NAB1: variants seen among roughly 807,000 people sequenced by gnomAD.
The protein encoded by NAB1 is NGFI-A-binding protein 1.
Under a neutral mutation model 49.9 loss-of-function variants are expected in NAB1, and 25 were observed. The ratio of observed to expected loss-of-function variants is 0.50; its 90% CI spans 0.37 to 0.70. The LOEUF (loss-of-function observed/expected upper bound fraction) is 0.70, where lower values mean the gene tolerates loss of function less well. Among genes scored for constraint, NAB1 ranks in the 30% least tolerant of loss-of-function variants. NAB1 has a pLI of 0.00. For synonymous variants in NAB1, 198 were observed against 215.6 expected, an observed-to-expected ratio of 0.92 and a Z score of 0.71; for missense variants, 489 against 575.9, an observed-to-expected ratio of 0.85 and a Z score of 1.54.
chr2:190,653,814 A>G (rs1693787577), intron 2 of NAB1: 1 of 152,240 alleles, frequency 6.6e-6, no homozygotes, highest in African/African-American at 2.4e-5. Flanking sequence ...TGCATGATGT[A>G]TAACACTAAC....
intron 9 of NAB1, 21 bp from the exon 10 acceptor site, chr2:190,690,224 T>C (rs769421159): frequency 3.9e-5 from 60 of 1,546,042 alleles, no homozygotes; most frequent in Non-Finnish European, 4.9e-5. Context: ...ATCAACTCAC[T>C]TTGTTTCCAT....
intron 4 of NAB1, among the ~76,000 whole-genome samples, chr2:190,668,103 T>G (rs1694617107): frequency 6.6e-6 from 1 of 152,180 alleles, no homozygotes; most frequent in Non-Finnish European, 1.5e-5. Context: ...TAATAACTAG[T>G]GTTGGTCAAG....
rs1553548974 is a variant in NAB1, at chr2:190,664,614, T to TTG, written c.819+4619_819+4620insTG. 8.7e-4 allele frequency among the ~76,000 whole-genome samples: 97 copies of TTG among 111,870 alleles called. 11 individuals carry two copies. Among genetic ancestry groups the TTG allele is most frequent in the African/African-American group, 2.3e-3 (61 of 26,210 alleles). The allele number at this position is 111,870 out of a possible 152,430, so 73.4% of individuals were successfully genotyped here. A position where few individuals can be genotyped will look rare whatever the true frequency, so the allele number is the denominator to read the frequency against. ...TTTTTTTTTTTTTTTTTTTTTTTTT[T>TTG]GTAGGGACAGGGTTTCCACGTTGCC... On this transcript the variant is annotated intron_variant, in intron 4 of 9. Coordinates refer to ENST00000337386, the MANE Select transcript of NAB1 (RefSeq NM_005966.4).
In NAB1 at chr2:190,657,017, TATGTATATAC is replaced by T. The variant is rs1379895648; in HGVS notation, c.-20+866_-20+875del. Among the ~76,000 whole-genome samples the T allele has an allele frequency of 1.3e-5, 2 of 152,200 alleles. No homozygotes were observed. Among genetic ancestry groups the T allele is most frequent in the Admixed American group, 1.3e-4 (2 of 15,278 alleles). On this transcript the variant is annotated intron_variant, in intron 3 of 9. Coordinates refer to ENST00000337386, the MANE Select transcript of NAB1 (RefSeq NM_005966.4). The surrounding 1 kb of genome is among the most constrained non-coding windows in gnomAD (Gnocchi z 4.4). Reference sequence around the variant, plus strand: ...TTCCACAGTCTATTTTGATCATGTGTATGTATATACACATTACACATGTACTTTTTTTTTC... The same window carrying T: ...TTCCACAGTCTATTTTGATCATGTGTACATTACACATGTACTTTTTTTTTC...
At position 190,656,557 on chromosome 2, in the gene NAB1, A is replaced by G. The variant is rs188174365; in HGVS notation, c.-20+404A>G. 5.2e-3 allele frequency among the ~76,000 whole-genome samples: 796 copies of G among 152,278 alleles called. 5 individuals are homozygous for G. The highest frequency in any genetic ancestry group is 0.018 in the African/African-American group (756 of 41,568). ...TGTTATCTTGGCTTTGCAAATGTAGACTTGGTCCTATCAGTCTTTATGGAG... is the reference window on the plus strand; with the variant it reads ...TGTTATCTTGGCTTTGCAAATGTAGGCTTGGTCCTATCAGTCTTTATGGAG... On this transcript the variant is annotated intron_variant, in intron 3 of 9. Transcript: ENST00000337386.
Position 190,652,448 on chromosome 2 carries a change from TA to T in NAB1, c.-197+2469del, listed in dbSNP as rs1420527763. 6.6e-6 allele frequency among the ~76,000 whole-genome samples: 1 copy of T among 152,214 alleles called. No homozygotes were observed. On this transcript the variant is annotated intron_variant, in intron 2 of 9. Transcript: ENST00000337386. This position sits in a 1 kb window ranked among gnomAD's most constrained non-coding sequence, Gnocchi z 4.2. Reference sequence around the variant, plus strand: ...CCTATTGTTACTATAGTTAAATGAATAAATACATAGTTATCATTTAGCAAAA... The same window carrying T: ...CCTATTGTTACTATAGTTAAATGAATAATACATAGTTATCATTTAGCAAAA...
chr2:190,668,497 A>G (rs1378672546), intron 4 of NAB1, among the ~76,000 whole-genome samples: 6 of 152,316 alleles, frequency 3.9e-5, no homozygotes, highest in African/African-American at 1.4e-4. Flanking sequence ...CTTCCAGCCC[A>G]TGCCAGATGC....
rs565303088 is a variant in NAB1 at position 190,677,248 on chromosome 2, A to G, written c.1005+4096A>G. The stretch of plus-strand genomic sequence containing the variant: ...ACATTGCATAGAAGTAATCAAGATA[A>G]TCTGTTGTCCTTAAATAGTGTTCCT... On this transcript the variant is annotated intron_variant, in intron 6 of 9. Coordinates refer to ENST00000337386, the MANE Select transcript of NAB1 (RefSeq NM_005966.4). The surrounding 1 kb of genome is among the most constrained non-coding windows in gnomAD (Gnocchi z 5.6). 3.9e-5 allele frequency: 6 copies of G among 152,350 alleles called. No individual in the cohort carries two copies. In the South Asian group the frequency reaches 1.0e-3, roughly 26 times the overall value. The allele number at this position is 152,350 out of a possible 1,614,324, so 9.4% of individuals were successfully genotyped here.
At chr2:190,655,525 G>T (rs184944221) in intron 2 of NAB1, among the ~76,000 whole-genome samples, 9 of 152,318 alleles carry the variant, frequency 5.9e-5, no homozygotes, top group Admixed American at 3.9e-4. Flanking sequence ...GTAAGGTGAA[G>T]AGCATCTCAA....
rs143590664 is a variant in NAB1 at position 190,682,279 on chromosome 2, G to C, written c.1006-1459G>C. ...TATCTCACTTGCTTTATCTCATTTG[G>C]TCCTCACAACAATCCTAATAGATAG... On this transcript the variant is annotated intron_variant, in intron 6 of 9. Transcript: ENST00000337386. The surrounding 1 kb of genome is among the most constrained non-coding windows in gnomAD (Gnocchi z 4.1). Among the ~76,000 whole-genome samples the C allele has an allele frequency of 7.1e-4, 108 of 152,146 alleles. 1 individual carries two copies. Among genetic ancestry groups the C allele is most frequent in the African/African-American group, 2.4e-3 (99 of 41,520 alleles).
intron 9 of NAB1, 45 bp downstream of exon 9, chr2:190,687,362 C>G: frequency 1.3e-6 from 1 of 759,238 alleles, no homozygotes; most frequent in South Asian, 1.9e-5. Context: ...TGAATAAAAG[C>G]ATCTTTAAAT....
Position 190,682,264 on chromosome 2 carries a change from G to C in NAB1, c.1006-1474G>C, listed in dbSNP as rs1293896651. 6.6e-6 allele frequency among the ~76,000 whole-genome samples: 1 copy of C among 152,142 alleles called. No homozygotes were observed. Among genetic ancestry groups the C allele is most frequent in the African/African-American group, 2.4e-5 (1 of 41,422 alleles). On this transcript the variant is annotated intron_variant, in intron 6 of 9. Coordinates refer to ENST00000337386, the MANE Select transcript of NAB1 (RefSeq NM_005966.4). The surrounding 1 kb of genome is among the most constrained non-coding windows in gnomAD (Gnocchi z 4.1). ...ACATGCTGAAGGCATTATCTCACTT[G>C]CTTTATCTCATTTGGTCCTCACAAC...
chr2:190,655,906 C>T (rs1035686860), intron 2 of NAB1, 71 bp from the exon 3 acceptor site: 1 of 152,202 alleles, frequency 6.6e-6, no homozygotes, highest in Non-Finnish European at 1.5e-5. Context: ...TGAATAACAA[C>T]AACAAATGGT....
rs529441532 is a variant in NAB1, at chr2:190,679,366, G to A, written c.1006-4372G>A. ...TGTAGGAGTAAATAATGACTAATGT[G>A]CTCAGTTGCAGAGAGATCACTGATT... is the stretch of plus-strand genomic sequence containing the variant. On this transcript the variant is annotated intron_variant, in intron 6 of 9. Coordinates refer to ENST00000337386, the MANE Select transcript of NAB1 (RefSeq NM_005966.4). The surrounding 1 kb of genome is among the most constrained non-coding windows in gnomAD (Gnocchi z 5.3). Among the ~76,000 whole-genome samples the A allele has an allele frequency of 2.6e-5, 4 of 152,192 alleles. No individual in the cohort carries two copies. Among genetic ancestry groups the A allele is most frequent in the African/African-American group, 4.8e-5 (2 of 41,440 alleles).
In NAB1 at chr2:190,680,272, T is replaced by G. The variant is rs879616766; in HGVS notation, c.1006-3466T>G. ...AAGATAAGATCTAAAATTCTTAACA[T>G]AGCTTACAAGGGCTTACAGAATCTG... On this transcript the variant is annotated intron_variant, in intron 6 of 9. Transcript: ENST00000337386. This position sits in a 1 kb window ranked among gnomAD's most constrained non-coding sequence, Gnocchi z 5.2. Among the ~76,000 whole-genome samples the G allele has an allele frequency of 1.3e-5, 2 of 152,222 alleles. No individual in the cohort carries two copies. The highest frequency in any genetic ancestry group is 6.5e-5 in the Admixed American group (1 of 15,284).
rs541640635 is a variant in NAB1 at position 190,654,697 on chromosome 2, C to A, written c.-196-1280C>A. 6.6e-6 allele frequency among the ~76,000 whole-genome samples: 1 copy of A among 152,006 alleles called. No homozygotes were observed. Among genetic ancestry groups the A allele is most frequent in the African/African-American group, 2.4e-5 (1 of 41,370 alleles). On this transcript the variant is annotated intron_variant, in intron 2 of 9. Transcript: ENST00000337386. The surrounding 1 kb of genome is among the most constrained non-coding windows in gnomAD (Gnocchi z 5.6). ...TCGCAAATCTGTAAACTTGGCATTG[C>A]AGTGTGGGATCTATTGAAGGTGAAG...
chr2:190,690,035 G>GTATAC (rs1574489878), intron 9 of NAB1, among the ~76,000 whole-genome samples: 1 of 1,868 alleles, frequency 5.4e-4, no homozygotes, highest in Non-Finnish European at 1.4e-3. Flanking sequence ...TATACTATAT[G>GTATAC]TATACATCTA....
chr2:190,678,553 G>A lies in NAB1; in HGVS notation c.1006-5185G>A, dbSNP rs890677487. ...ATTCTTGACCCTGTGGGAGTCAGAG[G>A]TGCAAAGCATTCAGAGATAAGTGGA... On this transcript the variant is annotated intron_variant, in intron 6 of 9. Coordinates refer to ENST00000337386, the MANE Select transcript of NAB1 (RefSeq NM_005966.4). This position sits in a 1 kb window ranked among gnomAD's most constrained non-coding sequence, Gnocchi z 4.9. Among the ~76,000 whole-genome samples the A allele has an allele frequency of 1.3e-5, 2 of 152,122 alleles. No homozygotes were observed. Among genetic ancestry groups the A allele is most frequent in the Non-Finnish European group, 2.9e-5 (2 of 68,030 alleles).
In NAB1 at chr2:190,684,474, A is replaced by AC. The variant is rs1349614567; in HGVS notation, c.1095+649dup. On this transcript the variant is annotated intron_variant, in intron 7 of 9. Coordinates refer to ENST00000337386, the MANE Select transcript of NAB1 (RefSeq NM_005966.4). The surrounding 1 kb of genome is among the most constrained non-coding windows in gnomAD (Gnocchi z 4.6). ...TGTTAGGATGAAAAATACATTTTTT[A>AC]CCTCAGATATGCTTATTTAAATTTT... 6.6e-6 allele frequency among the ~76,000 whole-genome samples: 1 copy of AC among 152,066 alleles called. No homozygotes were observed. Among genetic ancestry groups the AC allele is most frequent in the East Asian group, 1.9e-4 (1 of 5,198 alleles).
Sources: allele counts gnomAD v4.1 joint callset (sites outside exome capture counted in the v4.1 genomes callset), GRCh38; gene constraint gnomAD v4.1.1; non-coding constraint Gnocchi (gnomAD v3.1); transcripts MANE v1.5; gene names NCBI Gene and HGNC (gene_info 2026-07-23, HGNC 2026-07-21).